Variants in PEAK1 observed in about 807,000 individuals in gnomAD.
PEAK1 encodes inactive tyrosine-protein kinase PEAK1.
Under a neutral mutation model 124.7 loss-of-function variants are expected in PEAK1, and 54 were observed. The ratio of observed to expected loss-of-function variants is 0.43; its 90% CI spans 0.35 to 0.54. The LOEUF is 0.54. PEAK1 is among the 20% of genes least tolerant of loss of function. The probability of loss-of-function intolerance (pLI) is 0.01; values close to 1 mark genes in which losing one functional copy is unlikely to be tolerated. For missense variants in PEAK1, 2,046 were observed against 2,134.5 expected (o/e 0.96, Z 0.82); for synonymous variants, 719 against 760.0 (o/e 0.95, Z 0.89).
intron 8 of PEAK1, among the ~76,000 whole-genome samples, chr15:77,149,417 G>A (rs1318000330): frequency 6.6e-6 from 1 of 152,184 alleles, no homozygotes; most frequent in African/African-American, 2.4e-5. Context: ...AAGCCATTGC[G>A]TTAGGAGGTT....
chr15:77,228,448 T>C (rs998837025), intron 6 of PEAK1, among the ~76,000 whole-genome samples: 18 of 152,172 alleles, frequency 1.2e-4, no homozygotes, highest in Non-Finnish European at 2.4e-4. Context: ...GATGCAGGAC[T>C]TCATTTAATA....
intron 1 of PEAK1, among the ~76,000 whole-genome samples, chr15:77,373,065 T>A (rs945586430): frequency 6.6e-6 from 1 of 152,152 alleles, no homozygotes; most frequent in Non-Finnish European, 1.5e-5. Flanking sequence ...AACTAATACA[T>A]CTATCAAAAA....
chr15:77,120,739 C>T (rs951844380), intron 9 of PEAK1, among the ~76,000 whole-genome samples: 6 of 152,314 alleles, frequency 3.9e-5, no homozygotes, highest in Non-Finnish European at 8.8e-5. Flanking sequence ...AATTTCCTAG[C>T]GGCTCCGCTT....
At chr15:77,291,259 A>G (rs1194501483) in intron 2 of PEAK1, among the ~76,000 whole-genome samples, 1 of 152,158 alleles carries the variant, frequency 6.6e-6, no homozygotes, top group Admixed American at 6.5e-5. Flanking sequence ...ATTTTAAAAC[A>G]CCCCTACTGA....
intron 2 of PEAK1, among the ~76,000 whole-genome samples, chr15:77,364,638 G>A (rs570161829): frequency 6.6e-6 from 1 of 152,318 alleles, no homozygotes; most frequent in East Asian, 1.9e-4. Flanking sequence ...TACCTTTAGA[G>A]TGGAATGCTA....
intron 2 of PEAK1, chr15:77,335,473 C>T (rs1188065215): frequency 1.2e-5 from 12 of 985,168 alleles, no homozygotes; most frequent in Non-Finnish European, 1.2e-5. Flanking sequence ...CTATACATCA[C>T]GTTGATGCTT....
In PEAK1 at chr15:77,133,165, T is replaced by G; in HGVS notation, c.3917A>C (p.Glu1306Ala). 1.2e-6 allele frequency: 2 copies of G among 1,614,224 alleles called. No individual in the cohort carries two copies. The highest frequency in any genetic ancestry group is 1.7e-6 in the Non-Finnish European group (2 of 1,180,040). ...DALKKLAVKC[E>A]DLFMAGQKDQ... Reference sequence around the variant, plus strand: ...TTTCTGCCCAGCCATGAAAAGGTCTTCGCATTTAACAGCCAGTTTCTTCAA... The same window carrying G: ...TTTCTGCCCAGCCATGAAAAGGTCTGCGCATTTAACAGCCAGTTTCTTCAA... Residue 1306 changes from glutamate (E) to alanine (A), a missense_variant, in exon 9 of 10, where the codon GAA (glutamate) becomes GCA (alanine). Physicochemically the swap from Glu to Ala is moderately radical, Grantham distance 107. Transcript: ENST00000682557. The surrounding 1 kb of genome is among the most constrained non-coding windows in gnomAD (Gnocchi z 4.2).
rs1041032436 is a variant in PEAK1 at position 77,174,788 on chromosome 15, T to C, written c.3137+4002A>G. Among the ~76,000 whole-genome samples the C allele has an allele frequency of 7.2e-5, 11 of 152,208 alleles. No individual in the cohort carries two copies. The East Asian group carries it at 9.6e-4, about 13-fold the overall frequency. On this transcript the variant is annotated intron_variant, in intron 7 of 9. Transcript: ENST00000682557. ...TATGAAACCAAAAAAGAGCCCGCAT[T>C]GCCAAGTCAATCCTAAGCCAAAAGA...
At chr15:77,343,055 T>C (rs2066640361) in intron 2 of PEAK1, among the ~76,000 whole-genome samples, 1 of 152,264 alleles carries the variant, frequency 6.6e-6, no homozygotes, top group Non-Finnish European at 1.5e-5. Context: ...CCATAGCAGC[T>C]GCACCATTTT....
intron 1 of PEAK1, chr15:77,403,047 T>A: frequency 2.0e-6 from 2 of 985,254 alleles, no homozygotes; most frequent in Non-Finnish European, 2.4e-6. Flanking sequence ...TTGCATCCCA[T>A]TGCAGAAGAA....
In PEAK1 at chr15:77,262,900, T is replaced by C. The variant is rs548925256; in HGVS notation, c.-274-10374A>G. On this transcript the variant is annotated intron_variant, in intron 5 of 9. Transcript: ENST00000682557. ...TAAAAGAACAGAAATTATAACAAAC[T>C]GTCTCTCAGGCCACAGTACAATCAA... 2.0e-5 allele frequency among the ~76,000 whole-genome samples: 3 copies of C among 152,286 alleles called. No individual in the cohort carries two copies. In the South Asian group the frequency reaches 6.2e-4, roughly 32 times the overall value.
intron 5 of PEAK1, among the ~76,000 whole-genome samples, chr15:77,256,625 T>C (rs1323251281): frequency 6.6e-6 from 1 of 152,078 alleles, no homozygotes; most frequent in Admixed American, 6.6e-5. Flanking sequence ...TTTTGAGACA[T>C]AAAAACTAGA....
At chr15:77,202,219 C>G (rs1370997344) in intron 6 of PEAK1, among the ~76,000 whole-genome samples, 2 of 152,098 alleles carry the variant, frequency 1.3e-5, no homozygotes, top group Non-Finnish European at 2.9e-5. Context: ...CAATTGCGCA[C>G]CTTGCAATTT....
At chr15:77,386,594 A>C (rs745665505) in intron 1 of PEAK1, among the ~76,000 whole-genome samples, 2 of 152,180 alleles carry the variant, frequency 1.3e-5, no homozygotes, top group Non-Finnish European at 2.9e-5. Flanking sequence ...GCTATGGAAC[A>C]AACACCTCTT....
chr15:77,301,909 G>A (rs749274990), intron 2 of PEAK1, among the ~76,000 whole-genome samples: 6 of 152,112 alleles, frequency 3.9e-5, no homozygotes, highest in South Asian at 4.2e-4. Context: ...GTAAAGATTC[G>A]TAGATATTTA....
rs1448348468 is a variant in PEAK1 at position 77,179,945 on chromosome 15, A to G, written c.1982T>C (p.Ile661Thr). The part of the protein sequence containing the change: ...LSVKEKTTSV[I>T]SHTYEEIETE... ...TTCTATTTCTTCATAAGTATGGCTT[A>G]TTACACTTGTGGTTTTTTCCTTCAC... Residue 661 changes from isoleucine to threonine, a missense_variant, in exon 7 of 10, where the codon ATA becomes ACA. Physicochemically the swap from Ile to Thr is moderately conservative, Grantham distance 89. Coordinates refer to ENST00000682557, the MANE Select transcript of PEAK1 (RefSeq NM_001385026.1). The G allele has an allele frequency of 1.9e-6, 3 of 1,613,990 alleles. No individual in the cohort carries two copies. Among genetic ancestry groups the G allele is most frequent in the East Asian group, 2.2e-5 (1 of 44,904 alleles).
Position 77,179,533 on chromosome 15 carries a change from G to C in PEAK1, c.2394C>G (p.Ala798=). Residue 798 remains alanine (A), a synonymous_variant, in exon 7 of 10, where the codon GCC becomes GCG. Transcript: ENST00000682557. ...TAGCAACATCAGCATCTGGAGGAAT[G>C]GCATAAAGCTCTTCCACACTGCAAG... The part of the protein sequence containing the change: ...PKACSVEELY[A]IPPDADVAKS... The C allele has an allele frequency of 6.2e-7, 1 of 1,614,104 alleles. No individual in the cohort carries two copies. The highest frequency in any genetic ancestry group is 1.1e-5 in the South Asian group (1 of 91,072).
At chr15:77,324,568 A>G (rs2065447767) in intron 2 of PEAK1, among the ~76,000 whole-genome samples, 1 of 152,216 alleles carries the variant, frequency 6.6e-6, no homozygotes, top group African/African-American at 2.4e-5. Context: ...AGTAATTTAT[A>G]AAGAAAAGAG....
chr15:77,194,606 A>T (rs2058016430), intron 6 of PEAK1, among the ~76,000 whole-genome samples: 1 of 152,114 alleles, frequency 6.6e-6, no homozygotes, highest in East Asian at 1.9e-4. Context: ...TGGCTTTTGC[A>T]TACCTTACTC....
Sources: gnomAD v4.1 joint callset for allele counts (sites outside exome capture counted in the v4.1 genomes callset) on GRCh38, gnomAD v4.1.1 for gene constraint, Gnocchi (gnomAD v3.1) non-coding constraint, MANE v1.5 for transcripts, NCBI Gene and HGNC (gene_info 2026-07-23, HGNC 2026-07-21) for gene names.